Variants in KIF20B observed in about 807,000 individuals in gnomAD.
KIF20B encodes kinesin-like protein KIF20B.
Under a neutral mutation model 232.5 loss-of-function variants are expected in KIF20B, and 188 were observed. The observed-to-expected ratio is 0.81, with a 90% CI of 0.72 to 0.91. KIF20B has a LOEUF of 0.91. Among genes scored for constraint, KIF20B ranks in the 40% least tolerant of loss-of-function variants. The pLI, the probability that KIF20B is intolerant of heterozygous loss-of-function variation, is 0.00. For synonymous variants in KIF20B, 712 were observed against 683.0 expected (o/e 1.04, Z -0.66); for missense variants, 2,154 against 2,055.9 (o/e 1.05, Z -0.92).
Position 89,711,138 on chromosome 10 carries a change from T to G in KIF20B, c.668T>G (p.Ile223Ser). Reference protein sequence around the residue: ...IASKSALLRQIKEVTVHNDSD... With the variant: ...IASKSALLRQSKEVTVHNDSD... Reference sequence around the variant, plus strand: ...AGCAAAAGTGCATTGCTTCGGCAAATTAAAGAGGTATGGAAATATTTTAGT... The same window carrying G: ...AGCAAAAGTGCATTGCTTCGGCAAAGTAAAGAGGTATGGAAATATTTTAGT... Residue 223 changes from isoleucine (I) to serine (S), a missense_variant, in exon 6 of 33, where the codon ATT becomes AGT. Coordinates refer to ENST00000371728, the MANE Select transcript of KIF20B (RefSeq NM_001284259.2). 3 of 1,537,064 alleles carry G rather than the reference T, an allele frequency of 2.0e-6. No individual in the cohort carries two copies. The highest frequency in any genetic ancestry group is 2.6e-6 in the Non-Finnish European group (3 of 1,137,706).
intron 2 of KIF20B, among the ~76,000 whole-genome samples, chr10:89,706,789 C>T (rs1224536463): frequency 1.3e-5 from 2 of 152,130 alleles, no homozygotes; most frequent in African/African-American, 4.8e-5. Flanking sequence ...CTTATTCCAA[C>T]ACAATACTCT....
Position 89,738,481 on chromosome 10 carries a change from A to G in KIF20B, c.3640A>G (p.Asn1214Asp), listed in dbSNP as rs1457645691. 1.3e-5 allele frequency: 21 copies of G among 1,606,034 alleles called. No homozygotes were observed. Among genetic ancestry groups the G allele is most frequent in the Non-Finnish European group, 1.8e-5 (21 of 1,177,282 alleles). ...FQEHLQDSVK[N>D]TKDLNVKELK... is the part of the protein sequence containing the mutation. Reference sequence around the variant, plus strand: ...AGAACATCTTCAGGATTCTGTCAAAAACACCAAAGATTTAAATGTAAAGGA... The same window carrying G: ...AGAACATCTTCAGGATTCTGTCAAAGACACCAAAGATTTAAATGTAAAGGA... The change falls in exon 20 of 33, where the codon AAC becomes GAC. Residue 1214 changes from asparagine (N) to aspartate (D), a missense_variant. By Grantham distance (23) the Asn-to-Asp change is conservative. Coordinates refer to ENST00000371728, the MANE Select transcript of KIF20B (RefSeq NM_001284259.2).
chr10:89,726,345 A>T lies in KIF20B; in HGVS notation c.2054A>T (p.Asn685Ile), dbSNP rs113908675. 50 of 1,553,190 alleles carry T rather than the reference A, an allele frequency of 3.2e-5. No homozygotes were observed. The African/African-American group carries it at 3.4e-4, about 11-fold the overall frequency. ...GATATTATTGATTCTCTTCAAGATA[A>T]TGTTGCTGATATTAAGAAACAGGCT... ...FEDIIDSLQD[N>I]VADIKKQAEI... is the part of the protein sequence containing the mutation. The change falls in exon 16 of 33, where the codon AAT becomes ATT. Residue 685 changes from asparagine (N) to isoleucine (I), a missense_variant. Transcript: ENST00000371728.
rs71471138 is a variant in KIF20B at position 89,761,478 on chromosome 10, T to TAA, written c.4791+855_4791+856dup. ...AGCAGACAATGAGAAGGAAAAGTCT[T>TAA]AAAAAAAAAAAAAAGAAATGGGGTT... On this transcript the variant is annotated intron_variant, in intron 28 of 32. Transcript: ENST00000371728. Among the ~76,000 whole-genome samples the TAA allele has an allele frequency of 5.7e-3, 816 of 143,802 alleles. 8 individuals are homozygous for TAA. Among genetic ancestry groups the TAA allele is most frequent in the African/African-American group, 0.019 (735 of 39,298 alleles). 94.3% of individuals were successfully genotyped at this position (143,802 alleles called of 152,430 possible).
intron 6 of KIF20B, among the ~76,000 whole-genome samples, chr10:89,712,510 C>T (rs1339629220): frequency 1.3e-5 from 2 of 152,148 alleles, no homozygotes; most frequent in African/African-American, 4.8e-5. Flanking sequence ...TTCCCTTGGC[C>T]TTCCAAAGTG....
rs199753491 is a variant in KIF20B, at chr10:89,711,114, G to A, written c.644G>A (p.Ser215Asn). 1.7e-4 allele frequency: 259 copies of A among 1,556,884 alleles called. 1 individual carries two copies. In the Middle Eastern group the frequency reaches 2.1e-3, roughly 12 times the overall value. Reference protein sequence around the residue: ...SSEQEKEEIASKSALLRQIKE... With the variant: ...SSEQEKEEIANKSALLRQIKE... ...GAACAAGAGAAAGAAGAAATTGCTA[G>A]CAAAAGTGCATTGCTTCGGCAAATT... Residue 215 changes from serine (S) to asparagine (N), a missense_variant, in exon 6 of 33, where the codon AGC becomes AAC. Coordinates refer to ENST00000371728, the MANE Select transcript of KIF20B (RefSeq NM_001284259.2).
intron 26 of KIF20B, among the ~76,000 whole-genome samples, chr10:89,756,007 T>G (rs947653716): frequency 1.3e-5 from 2 of 152,208 alleles, no homozygotes; most frequent in Non-Finnish European, 2.9e-5. Context: ...TGGCCAGTTT[T>G]TATTAAAATG....
Position 89,717,423 on chromosome 10 carries a change from G to A in KIF20B, c.1053-1G>A. ...GATAACATTTGATCTTTGTATTTCA[G>A]TCACAGCATATTCACTGTTAAAATA... On this transcript the variant is annotated splice_acceptor_variant, in intron 9 of 32. Transcript: ENST00000371728. LOFTEE classifies it high-confidence loss of function. The A allele has an allele frequency of 6.4e-7, 1 of 1,553,882 alleles. No individual in the cohort carries two copies. Among genetic ancestry groups the A allele is most frequent in the Non-Finnish European group, 8.8e-7 (1 of 1,133,126 alleles).
Position 89,743,822 on chromosome 10 carries a change from T to TGATGAG in KIF20B, c.3934_3939dup (p.Glu1312_Asp1313dup), listed in dbSNP as rs1841855831. 1 of 1,494,812 alleles carries TGATGAG rather than the reference T, an allele frequency of 6.7e-7. No homozygotes were observed. Among genetic ancestry groups the TGATGAG allele is most frequent in the Admixed American group, 2.0e-5 (1 of 50,470 alleles). The allele number at this position is 1,494,812 out of a possible 1,614,324, so 92.6% of individuals were successfully genotyped here. A position where few individuals can be genotyped will look rare whatever the true frequency, so the allele number is the denominator to read the frequency against. ...TTATTTTGTAGGTATCTGTAATGCG[T>TGATGAG]GATGAGGATAAATTACTGAGGATTA... On this transcript the variant is annotated inframe_insertion, in exon 22 of 33. Transcript: ENST00000371728.
chr10:89,768,775 T>C lies in KIF20B; in HGVS notation c.5129T>C (p.Leu1710Ser). The change falls in exon 31 of 33, where the codon TTA becomes TCA. Residue 1710 changes from leucine (L) to serine (S), a missense_variant. Leu to Ser is a moderately radical substitution (Grantham distance 145, BLOSUM62 -2). Transcript: ENST00000371728. The stretch of plus-strand genomic sequence containing the variant: ...CCATCATCTAAGAAAACATATTCTT[T>C]ACGGAGTCAGGCATCCATAATTGGT... ...IRPSSKKTYS[L>S]RSQASIIGVN... 1 of 1,601,370 alleles carries C rather than the reference T, an allele frequency of 6.2e-7. No individual in the cohort carries two copies. Among genetic ancestry groups the C allele is most frequent in the Non-Finnish European group, 8.5e-7 (1 of 1,176,234 alleles).
chr10:89,738,720 A>G, intron 20 of KIF20B, 103 bp downstream of exon 20: 1 of 1,358,202 alleles, frequency 7.4e-7, no homozygotes, highest in East Asian at 2.5e-5. Flanking sequence ...GGTAAAGCGT[A>G]GCATGTATGA....
chr10:89,718,835 C>T lies in KIF20B; in HGVS notation c.1397C>T (p.Thr466Ile), dbSNP rs1050271409. The change falls in exon 12 of 33, where the codon ACA (threonine) becomes ATA (isoleucine). Residue 466 changes from threonine to isoleucine, a missense_variant. By Grantham distance (89) the Thr-to-Ile change is moderately conservative (BLOSUM62 -1). Coordinates refer to ENST00000371728, the MANE Select transcript of KIF20B (RefSeq NM_001284259.2). Reference sequence around the variant, plus strand: ...CAATGTTATTTAGCCTATGATGAAACACTCAATGTATTGAAGTTCTCCGCC... The same window carrying T: ...CAATGTTATTTAGCCTATGATGAAATACTCAATGTATTGAAGTTCTCCGCC... ...ISQCYLAYDE[T>I]LNVLKFSAIA... The T allele has an allele frequency of 5.0e-6, 8 of 1,602,198 alleles. No individual in the cohort carries two copies. Among genetic ancestry groups the T allele is most frequent in the Non-Finnish European group, 6.8e-6 (8 of 1,174,346 alleles).
intron 23 of KIF20B, among the ~76,000 whole-genome samples, chr10:89,749,274 A>G (rs899660277): frequency 6.6e-6 from 1 of 152,202 alleles, no homozygotes; most frequent in Admixed American, 6.5e-5. Context: ...ACAAAACTAT[A>G]TCTTTAACTC....
chr10:89,764,261 G>T (rs1842306916), intron 29 of KIF20B, among the ~76,000 whole-genome samples: 1 of 152,002 alleles, frequency 6.6e-6, no homozygotes, highest in Admixed American at 6.6e-5. Flanking sequence ...ATTCCATGGT[G>T]TATATGTGCC....
intron 25 of KIF20B, among the ~76,000 whole-genome samples, chr10:89,754,297 C>T (rs1310341041): frequency 6.6e-6 from 1 of 151,862 alleles, no homozygotes; most frequent in Non-Finnish European, 1.5e-5. Context: ...AAATGGACTT[C>T]ATAGCAAAAT....
At chr10:89,715,427 A>G (rs1477409584) in intron 8 of KIF20B, among the ~76,000 whole-genome samples, 1 of 148,722 alleles carries the variant, frequency 6.7e-6, no homozygotes, top group African/African-American at 2.5e-5. Context: ...TGATGGGAAA[A>G]GCTGTGTATG....
rs1303933751 is a variant in KIF20B, at chr10:89,738,366, T to C, written c.3525T>C (p.Val1175=). The C allele has an allele frequency of 6.2e-7, 1 of 1,609,316 alleles. No individual in the cohort carries two copies. The highest frequency in any genetic ancestry group is 2.2e-5 in the East Asian group (1 of 44,768). The change falls in exon 20 of 33, where the codon GTT becomes GTC. Residue 1175 remains valine, a synonymous_variant. Coordinates refer to ENST00000371728, the MANE Select transcript of KIF20B (RefSeq NM_001284259.2). ...ELETILETQK[V]ECSHSAKLEQ... ...AAACAATTTTAGAGACTCAGAAAGTTGAATGTAGTCATTCAGCCAAGTTAG... is the reference window on the plus strand; with the variant it reads ...AAACAATTTTAGAGACTCAGAAAGTCGAATGTAGTCATTCAGCCAAGTTAG...
At chr10:89,731,626 T>G (rs1843321274) in intron 18 of KIF20B, among the ~76,000 whole-genome samples, 1 of 152,162 alleles carries the variant, frequency 6.6e-6, no homozygotes, top group Non-Finnish European at 1.5e-5. Context: ...CTATAACTTC[T>G]GAAGGATAGA....
intron 28 of KIF20B, among the ~76,000 whole-genome samples, 181 bp from the exon 29 acceptor site, chr10:89,762,457 A>C (rs940828308): frequency 6.6e-6 from 1 of 152,164 alleles, no homozygotes; most frequent in African/African-American, 2.4e-5. Context: ...ATTTTAACAT[A>C]CCATGTGTGA....
Sources: gnomAD v4.1 joint callset for allele counts (sites outside exome capture counted in the v4.1 genomes callset) on GRCh38, gnomAD v4.1.1 for gene constraint, MANE v1.5 for transcripts, NCBI Gene and HGNC (gene_info 2026-07-23, HGNC 2026-07-21) for gene names.